Variants in MED27 observed in about 807,000 individuals in gnomAD.
MED27 encodes mediator complex subunit 27.
Under a neutral mutation model 38.2 loss-of-function variants are expected in MED27, and 30 were observed. The observed-to-expected ratio is 0.79, with a 90% CI of 0.59 to 1.07. MED27 has a LOEUF of 1.07. Among genes scored for constraint, MED27 ranks in the 50% least tolerant of loss-of-function variants. MED27 has a pLI of 0.00. For synonymous variants in MED27, 122 were observed against 153.5 expected, an observed-to-expected ratio of 0.79 and a Z score of 1.52; for missense variants, 289 against 397.5, an observed-to-expected ratio of 0.73 and a Z score of 2.32.
At chr9:131,865,406 C>A (rs193053144) in intron 6 of MED27, among the ~76,000 whole-genome samples, 1 of 152,180 alleles carries the variant, frequency 6.6e-6, no homozygotes, top group Non-Finnish European at 1.5e-5. Context: ...CGAACTTGAA[C>A]GCTTGGTTCT....
chr9:132,040,834 T>G (rs1327823489), intron 2 of MED27, among the ~76,000 whole-genome samples: 1 of 152,190 alleles, frequency 6.6e-6, no homozygotes, highest in Non-Finnish European at 1.5e-5. Flanking sequence ...TTTCCTCCCA[T>G]ATGCTTTGTC....
chr9:131,876,725 C>T (rs753752828), intron 6 of MED27, among the ~76,000 whole-genome samples: 14 of 152,084 alleles, frequency 9.2e-5, no homozygotes, highest in Non-Finnish European at 1.8e-4. Flanking sequence ...GACCGTCTGC[C>T]GCCGCTCCTT....
At chr9:131,926,591 T>A (rs1830489710) in intron 4 of MED27, among the ~76,000 whole-genome samples, 1 of 152,226 alleles carries the variant, frequency 6.6e-6, no homozygotes, top group Non-Finnish European at 1.5e-5. Context: ...CAAACTACGC[T>A]GGTGACTCTT....
rs1838650190 is a variant in MED27 at position 131,861,435 on chromosome 9, A to C, written c.802-763T>G. On this transcript the variant is annotated intron_variant, in intron 7 of 7. Coordinates refer to ENST00000292035, the MANE Select transcript of MED27 (RefSeq NM_004269.4). This position sits in a 1 kb window ranked among gnomAD's most constrained non-coding sequence, Gnocchi z 4.4. ...AATCTTGTCATTTAATGTCCTCCTG[A>C]ATTAAGAGAAAACTGTTATTTGAAG... is the stretch of plus-strand genomic sequence containing the variant. Among the ~76,000 whole-genome samples, 1 of 152,192 alleles carries C rather than the reference A, an allele frequency of 6.6e-6. No individual in the cohort carries two copies. The highest frequency in any genetic ancestry group is 2.1e-4 in the South Asian group (1 of 4,830).
At chr9:131,999,413 G>C (rs1054241783) in intron 3 of MED27, among the ~76,000 whole-genome samples, 1 of 152,150 alleles carries the variant, frequency 6.6e-6, no homozygotes. Flanking sequence ...TCTTGGTGTG[G>C]TTACCGAAGG....
chr9:132,025,598 C>T (rs1465590211), intron 2 of MED27, among the ~76,000 whole-genome samples: 6 of 152,236 alleles, frequency 3.9e-5, no homozygotes. Context: ...CAGAGGCCCT[C>T]TCCTTAACCA....
At chr9:131,974,831 T>C (rs1417214128) in intron 3 of MED27, among the ~76,000 whole-genome samples, 2 of 152,224 alleles carry the variant, frequency 1.3e-5, no homozygotes, top group Admixed American at 1.3e-4. Context: ...GTATCCTCCA[T>C]CTGTCACTTT....
intron 6 of MED27, among the ~76,000 whole-genome samples, chr9:131,867,828 CATCT>C (rs1054043054): frequency 2.6e-5 from 4 of 152,204 alleles, no homozygotes; most frequent in African/African-American, 9.6e-5. Context: ...GTCAGATTCT[CATCT>C]AGGAGCTCGG....
intron 4 of MED27, among the ~76,000 whole-genome samples, chr9:131,923,412 G>T (rs55854055): frequency 0.26 from 39,078 of 152,024 alleles, 5,353 homozygotes; most frequent in South Asian, 0.35. Context: ...CCAACCAACT[G>T]AAGTTTAATA....
At chr9:131,930,303 G>T (rs984986095) in intron 4 of MED27, among the ~76,000 whole-genome samples, 7 of 152,098 alleles carry the variant, frequency 4.6e-5, no homozygotes, top group Non-Finnish European at 7.4e-5. Context: ...CTACCTCAAG[G>T]CATTTAATAA....
chr9:132,040,986 G>T (rs1330513784), intron 2 of MED27, among the ~76,000 whole-genome samples: 1 of 152,192 alleles, frequency 6.6e-6, no homozygotes, highest in Non-Finnish European at 1.5e-5. Flanking sequence ...GAGGCAAGGC[G>T]TACAATTTAT....
chr9:132,026,861 T>A (rs1168524371), intron 2 of MED27, among the ~76,000 whole-genome samples: 1 of 152,216 alleles, frequency 6.6e-6, no homozygotes, highest in African/African-American at 2.4e-5. Context: ...AATTAATCTG[T>A]ACAACCACCC....
At chr9:132,076,784 C>T (rs149205561) in intron 2 of MED27, among the ~76,000 whole-genome samples, 11 of 152,296 alleles carry the variant, frequency 7.2e-5, no homozygotes, top group Admixed American at 1.3e-4. Context: ...AGTAAACAAA[C>T]GAACCGTTTC....
chr9:132,078,209 G>A (rs1366969426), intron 1 of MED27, among the ~76,000 whole-genome samples: 1 of 152,130 alleles, frequency 6.6e-6, no homozygotes, highest in Non-Finnish European at 1.5e-5. Context: ...CATTCCAGGA[G>A]TACGTTCTGA....
intron 4 of MED27, among the ~76,000 whole-genome samples, chr9:131,938,945 C>A (rs971551070): frequency 6.6e-6 from 1 of 152,096 alleles, no homozygotes; most frequent in Non-Finnish European, 1.5e-5. Flanking sequence ...GATCTCCTGA[C>A]CTCGTGATCC....
At position 131,951,170 on chromosome 9, in the gene MED27, T is replaced by G. The variant is rs372223974; in HGVS notation, c.480-11696A>C. 2.0e-5 allele frequency among the ~76,000 whole-genome samples: 3 copies of G among 152,306 alleles called. No homozygotes were observed. In the East Asian group the frequency reaches 5.8e-4, roughly 29 times the overall value. ...TCATCCCCCAACCTCTTAAGTGAAT[T>G]GCTTTCGGGTGTCTACTGAACAGAA... On this transcript the variant is annotated intron_variant, in intron 3 of 7. Coordinates refer to ENST00000292035, the MANE Select transcript of MED27 (RefSeq NM_004269.4).
At chr9:131,995,524 C>T (rs142557261) in intron 3 of MED27, among the ~76,000 whole-genome samples, 1 of 152,202 alleles carries the variant, frequency 6.6e-6, no homozygotes, top group African/African-American at 2.4e-5. Flanking sequence ...CTTGGAAGGC[C>T]AGATATTTGT....
intron 3 of MED27, among the ~76,000 whole-genome samples, chr9:131,939,709 TAGG>T (rs1388758096): frequency 2.0e-5 from 3 of 152,116 alleles, no homozygotes; most frequent in African/African-American, 7.2e-5. Flanking sequence ...TCTTCTTCTA[TAGG>T]AGGTCAGAAT....
At chr9:132,017,932 T>A (rs1166414139) in intron 2 of MED27, among the ~76,000 whole-genome samples, 1 of 152,208 alleles carries the variant, frequency 6.6e-6, no homozygotes, top group Non-Finnish European at 1.5e-5. Flanking sequence ...TTTAAAATAA[T>A]GCTGTTTTAG....
Sources: gnomAD v4.1 joint callset for allele counts (sites outside exome capture counted in the v4.1 genomes callset) on GRCh38, gnomAD v4.1.1 for gene constraint, Gnocchi (gnomAD v3.1) non-coding constraint, MANE v1.5 for transcripts, NCBI Gene and HGNC (gene_info 2026-07-23, HGNC 2026-07-21) for gene names.